The following GAB2 variants were observed in gnomAD, a reference collection of about 807,000 sequenced individuals.
The protein encoded by GAB2 is GRB2 associated binding protein 2.
GAB2 carries 26 observed loss-of-function variants against 65.5 expected under a neutral mutation model. The observed-to-expected ratio is 0.40, with a 90% CI of 0.29 to 0.55. The LOEUF (loss-of-function observed/expected upper bound fraction) is 0.55, where lower values mean the gene tolerates loss of function less well. Among genes scored for constraint, GAB2 ranks in the 20% least tolerant of loss-of-function variants. The pLI is 0.53. For synonymous variants in GAB2, 321 were observed against 329.6 expected (o/e 0.97, Z 0.28); for missense variants, 884 against 875.8 (o/e 1.01, Z -0.12).
chr11:78,285,350 G>A (rs977954553), intron 1 of GAB2, among the ~76,000 whole-genome samples: 1 of 152,218 alleles, frequency 6.6e-6, no homozygotes, highest in African/African-American at 2.4e-5. Context: ...CAAGTAAGTG[G>A]TGTAGGCTGA....
intron 1 of GAB2, among the ~76,000 whole-genome samples, chr11:78,408,199 G>A (rs1167954707): frequency 6.6e-6 from 1 of 151,770 alleles, no homozygotes; most frequent in African/African-American, 2.4e-5. Context: ...TTATAGCACT[G>A]TCTGATATAA....
At chr11:78,385,650 T>G (rs1166651084) in intron 1 of GAB2, among the ~76,000 whole-genome samples, 2 of 152,228 alleles carry the variant, frequency 1.3e-5, no homozygotes, top group Admixed American at 6.5e-5. Context: ...TTGTAGCATA[T>G]GCAGGAGAAA....
At chr11:78,402,308 CT>C (rs1440173923) in intron 1 of GAB2, among the ~76,000 whole-genome samples, 3 of 135,064 alleles carry the variant, frequency 2.2e-5, no homozygotes, top group African/African-American at 1.2e-4. Context: ...GCTTTTTCTT[CT>C]CTAGGAAGCC....
At chr11:78,339,099 T>A (rs370756032) in intron 1 of GAB2, among the ~76,000 whole-genome samples, 18 of 152,208 alleles carry the variant, frequency 1.2e-4, no homozygotes, top group African/African-American at 3.6e-4. Context: ...ATTTTTTTTT[T>A]ATTTTTAGTA....
intron 1 of GAB2, among the ~76,000 whole-genome samples, chr11:78,315,230 T>C (rs1448976376): frequency 6.6e-6 from 1 of 152,214 alleles, no homozygotes; most frequent in Non-Finnish European, 1.5e-5. Context: ...TTTGTTTTGC[T>C]TTTCCTCTCA....
chr11:78,388,335 T>TTTC (rs1213951154), intron 1 of GAB2, among the ~76,000 whole-genome samples: 2 of 151,832 alleles, frequency 1.3e-5, no homozygotes, highest in Non-Finnish European at 2.9e-5. Flanking sequence ...GGCCTCCACA[T>TTTC]TGTTTTTTTG....
chr11:78,370,712 CGTGTGTGTGTGTAT>C (rs993601142), intron 1 of GAB2, among the ~76,000 whole-genome samples: 10 of 123,220 alleles, frequency 8.1e-5, no homozygotes, highest in African/African-American at 2.3e-4. Flanking sequence ...TGTGTGTGTG[CGTGTGTGTGTGTAT>C]GTGTGTGTGT....
chr11:78,220,620 G>A (rs552710075), intron 8 of GAB2, among the ~76,000 whole-genome samples, 176 bp from the exon 9 acceptor site: 381 of 152,272 alleles, frequency 2.5e-3, no homozygotes, highest in South Asian at 9.3e-3. Flanking sequence ...TGTAAGGTAG[G>A]TATGATTACT....
At chr11:78,393,824 C>T (rs1367557672) in intron 1 of GAB2, among the ~76,000 whole-genome samples, 1 of 152,130 alleles carries the variant, frequency 6.6e-6, no homozygotes, top group African/African-American at 2.4e-5. Context: ...TATTTAATAC[C>T]ACAGAAATCC....
At chr11:78,272,763 T>C (rs758835222) in intron 2 of GAB2, among the ~76,000 whole-genome samples, 18 of 152,314 alleles carry the variant, frequency 1.2e-4, no homozygotes, top group Non-Finnish European at 2.4e-4. Context: ...CTCCAGGCCA[T>C]GTCAGAGGTC....
chr11:78,382,507 C>T (rs1235353411), intron 1 of GAB2, among the ~76,000 whole-genome samples: 1 of 151,644 alleles, frequency 6.6e-6, no homozygotes, highest in Non-Finnish European at 1.5e-5. Flanking sequence ...TTCTCAAAGA[C>T]CTGAGGTATG....
chr11:78,318,164 T>A (rs1018718411), intron 1 of GAB2: 9 of 148,806 alleles, frequency 6.0e-5, no homozygotes, highest in African/African-American at 2.2e-4. Flanking sequence ...CATCAGAGAG[T>A]TGATAATTGA....
At chr11:78,350,194 A>G (rs1591058184) in intron 1 of GAB2, among the ~76,000 whole-genome samples, 1 of 152,200 alleles carries the variant, frequency 6.6e-6, no homozygotes, top group Non-Finnish European at 1.5e-5. Flanking sequence ...CAACAGATCA[A>G]GGAGAACATG....
At chr11:78,223,803 A>G in intron 5 of GAB2, 127 bp from the exon 6 acceptor site, 3 of 795,372 alleles carry the variant, frequency 3.8e-6, no homozygotes, top group Middle Eastern at 6.1e-4. Context: ...GCTGTAAGGG[A>G]GACCTTGGGG....
intron 2 of GAB2, among the ~76,000 whole-genome samples, chr11:78,257,523 C>A (rs1188052625): frequency 2.0e-5 from 3 of 152,146 alleles, no homozygotes; most frequent in East Asian, 1.9e-4. Flanking sequence ...GAATAGAGAT[C>A]ATTTTATATC....
intron 1 of GAB2, among the ~76,000 whole-genome samples, chr11:78,354,615 A>G (rs976103618): frequency 2.6e-5 from 4 of 152,212 alleles, no homozygotes; most frequent in Non-Finnish European, 4.4e-5. Flanking sequence ...CTGGACAGCA[A>G]TACAGCTTTC....
intron 1 of GAB2, among the ~76,000 whole-genome samples, chr11:78,325,535 G>C (rs1855806719): frequency 6.6e-6 from 1 of 152,166 alleles, no homozygotes; most frequent in Admixed American, 6.5e-5. Flanking sequence ...AGATCCCTAA[G>C]CAAGAATGTT....
intron 2 of GAB2, among the ~76,000 whole-genome samples, chr11:78,258,895 A>G (rs1240950786): frequency 6.6e-6 from 1 of 152,156 alleles, no homozygotes; most frequent in Non-Finnish European, 1.5e-5. Flanking sequence ...TTTTAGGTTC[A>G]GGGGTACACG....
At chr11:78,346,713 ATATATATAATTTTTTTTT>A (rs1856193465) in intron 1 of GAB2, among the ~76,000 whole-genome samples, 2 of 49,484 alleles carry the variant, frequency 4.0e-5, no homozygotes, top group Non-Finnish European at 8.1e-5. Flanking sequence ...ATATATATAT[ATATATATAATTTTTTTTT>A]TTTTTAGGAA....
Sources: allele counts gnomAD v4.1 joint callset (sites outside exome capture counted in the v4.1 genomes callset), GRCh38; gene constraint gnomAD v4.1.1; transcripts MANE v1.5; gene names NCBI Gene and HGNC (gene_info 2026-07-23, HGNC 2026-07-21).